Variants in ERC2 observed in about 807,000 individuals in gnomAD.
ERC2 encodes the protein ERC protein 2.
In ERC2, 42 loss-of-function variants were observed where a neutral mutation model predicts 114.8. That is an observed-to-expected ratio of 0.37 (90% CI 0.29 to 0.47). The LOEUF (loss-of-function observed/expected upper bound fraction) is 0.47, where lower values mean the gene tolerates loss of function less well. Among genes scored for constraint, ERC2 ranks in the 20% least tolerant of loss-of-function variants. The pLI is 0.99. For missense variants in ERC2, 939 were observed against 1,150.7 expected (o/e 0.82, Z 2.66); for synonymous variants, 454 against 425.5 (o/e 1.07, Z -0.82).
Position 56,155,050 on chromosome 3 carries a change from G to A in ERC2, c.1150-5918C>T, listed in dbSNP as rs145916912. Among the ~76,000 whole-genome samples, 274 of 152,286 alleles carry A rather than the reference G, an allele frequency of 1.8e-3. 4 individuals are homozygous for A. The highest frequency in any genetic ancestry group is 6.4e-3 in the African/African-American group (267 of 41,568). On this transcript the variant is annotated intron_variant, in intron 4 of 17. Transcript: ENST00000288221. ...CTACATGGAAGTTTCCAGAATAACAGCTAAAACACAGTAGTGCTCAATAAA... is the reference window on the plus strand; with the variant it reads ...CTACATGGAAGTTTCCAGAATAACAACTAAAACACAGTAGTGCTCAATAAA...
intron 12 of ERC2, among the ~76,000 whole-genome samples, chr3:55,963,858 C>A (rs564009099): frequency 6.6e-6 from 1 of 152,112 alleles, no homozygotes; most frequent in Admixed American, 6.6e-5. Flanking sequence ...AGGTTGAGGG[C>A]GATTTGCCCA....
intron 14 of ERC2, among the ~76,000 whole-genome samples, chr3:55,744,443 GC>G (rs1460000001): frequency 1.3e-5 from 2 of 151,984 alleles, no homozygotes; most frequent in Non-Finnish European, 2.9e-5. Context: ...AAAACAAAAA[GC>G]AAAACAAACA....
At chr3:55,896,783 T>C (rs1369103263) in intron 13 of ERC2, among the ~76,000 whole-genome samples, 1 of 152,232 alleles carries the variant, frequency 6.6e-6, no homozygotes, top group Non-Finnish European at 1.5e-5. Context: ...TAGAACATAA[T>C]AATTAAAGGT....
chr3:55,976,572 G>A (rs2069609239), intron 12 of ERC2, among the ~76,000 whole-genome samples: 1 of 152,086 alleles, frequency 6.6e-6, no homozygotes, highest in South Asian at 2.1e-4. Flanking sequence ...GTCCTTTCTA[G>A]ATCAAAGTTC....
intron 3 of ERC2, among the ~76,000 whole-genome samples, chr3:56,273,541 G>C (rs115570855): frequency 6.6e-6 from 1 of 151,778 alleles, no homozygotes; most frequent in Admixed American, 6.6e-5. Context: ...CACCACACCC[G>C]GTCAAGGACA....
At chr3:56,308,977 T>C (rs1160427706) in intron 2 of ERC2, among the ~76,000 whole-genome samples, 2 of 152,192 alleles carry the variant, frequency 1.3e-5, no homozygotes, top group African/African-American at 4.8e-5. Context: ...CTGATCCCTT[T>C]CTCTGTAATC....
intron 17 of ERC2, among the ~76,000 whole-genome samples, chr3:55,663,769 A>C (rs1433012111): frequency 2.0e-5 from 3 of 152,238 alleles, no homozygotes; most frequent in African/African-American, 7.2e-5. Flanking sequence ...TACCAATATT[A>C]ACTAAGTGGC....
chr3:55,919,181 C>T (rs2065273243), intron 13 of ERC2, among the ~76,000 whole-genome samples: 1 of 152,072 alleles, frequency 6.6e-6, no homozygotes, highest in Non-Finnish European at 1.5e-5. Context: ...GAGTTCAAGA[C>T]CAGCCTGGGC....
intron 7 of ERC2, among the ~76,000 whole-genome samples, chr3:56,059,017 C>A (rs2076130763): frequency 6.6e-6 from 1 of 152,104 alleles, no homozygotes; most frequent in African/African-American, 2.4e-5. Context: ...CATAGAAAGC[C>A]AGAAAATTAT....
chr3:55,856,504 A>C (rs1264197308), intron 14 of ERC2, among the ~76,000 whole-genome samples: 3 of 152,220 alleles, frequency 2.0e-5, no homozygotes, highest in Non-Finnish European at 4.4e-5. Context: ...ACAATGAAAA[A>C]ATAAACAAAA....
chr3:55,562,725 G>A (rs566016280), intron 17 of ERC2, among the ~76,000 whole-genome samples: 5 of 151,606 alleles, frequency 3.3e-5, no homozygotes, highest in Admixed American at 6.6e-5. Context: ...CCAGCTGCAC[G>A]GTCTTTTATG....
At chr3:55,789,231 G>C (rs1026604619) in intron 14 of ERC2, among the ~76,000 whole-genome samples, 4 of 152,198 alleles carry the variant, frequency 2.6e-5, no homozygotes, top group Non-Finnish European at 4.4e-5. Flanking sequence ...CAAAAAGGCA[G>C]AAAAGCAGAA....
intron 2 of ERC2, among the ~76,000 whole-genome samples, chr3:56,335,527 C>T (rs1251669651): frequency 6.6e-6 from 1 of 152,188 alleles, no homozygotes; most frequent in Non-Finnish European, 1.5e-5. Flanking sequence ...TACATTGGAA[C>T]ATTTTGCCTA....
chr3:55,731,462 G>C (rs1035432464), intron 15 of ERC2, among the ~76,000 whole-genome samples: 3 of 152,216 alleles, frequency 2.0e-5, no homozygotes, highest in Non-Finnish European at 2.9e-5. Context: ...AAAGCACTTG[G>C]TTTACCTTTC....
intron 12 of ERC2, among the ~76,000 whole-genome samples, chr3:55,984,599 C>A (rs1476023042): frequency 6.6e-6 from 1 of 152,108 alleles, no homozygotes; most frequent in Non-Finnish European, 1.5e-5. Context: ...TCCCTACCGC[C>A]CATTATGATG....
intron 14 of ERC2, among the ~76,000 whole-genome samples, chr3:55,748,485 C>A (rs773927727): frequency 6.6e-6 from 1 of 152,196 alleles, no homozygotes; most frequent in Admixed American, 6.5e-5. Context: ...GCTACCACAG[C>A]AGAACCCAGA....
At chr3:55,892,349 C>G (rs1052337719) in intron 13 of ERC2, among the ~76,000 whole-genome samples, 2 of 152,148 alleles carry the variant, frequency 1.3e-5, no homozygotes, top group Non-Finnish European at 2.9e-5. Flanking sequence ...AAAACTGCAT[C>G]CCTACAAAAA....
At position 55,925,223 on chromosome 3, in the gene ERC2, G is replaced by T. The variant is rs545999869; in HGVS notation, c.2403+25202C>A. ...TTAAGCCAGGGTAAGACAACGGAGGGCATTGAATGTCCCAATAAATATCTC... is the reference window on the plus strand; with the variant it reads ...TTAAGCCAGGGTAAGACAACGGAGGTCATTGAATGTCCCAATAAATATCTC... On this transcript the variant is annotated intron_variant, in intron 13 of 17. Transcript: ENST00000288221. Among the ~76,000 whole-genome samples the T allele has an allele frequency of 3.3e-5, 5 of 152,260 alleles. No homozygotes were observed. The South Asian group carries it at 1.0e-3, about 32-fold the overall frequency.
chr3:55,887,885 CA>C (rs2063422781), intron 14 of ERC2, among the ~76,000 whole-genome samples: 1 of 152,242 alleles, frequency 6.6e-6, no homozygotes, highest in South Asian at 2.1e-4. Flanking sequence ...ATAAGCCCAG[CA>C]AATCAAAGTT....
Sources: gnomAD v4.1 joint callset for allele counts (sites outside exome capture counted in the v4.1 genomes callset) on GRCh38, gnomAD v4.1.1 for gene constraint, MANE v1.5 for transcripts, NCBI Gene and HGNC (gene_info 2026-07-23, HGNC 2026-07-21) for gene names.